RGS3: variants seen among roughly 807,000 people sequenced by gnomAD.
RGS3 encodes the protein regulator of G-protein signalling 3.
A neutral mutation model predicts 132.6 loss-of-function variants in RGS3; 80 were observed. The ratio of observed to expected loss-of-function variants is 0.60; its 90% CI spans 0.50 to 0.73. The LOEUF (loss-of-function observed/expected upper bound fraction) is 0.73, where lower values mean the gene tolerates loss of function less well. Ranked by LOEUF, RGS3 falls within the 30% of genes least tolerant of loss-of-function variation. The probability of loss-of-function intolerance (pLI) is 0.00; values close to 1 mark genes in which losing one functional copy is unlikely to be tolerated. For synonymous variants in RGS3, 598 were observed against 620.6 expected (o/e 0.96, Z 0.54); for missense variants, 1,382 against 1,530.8 (o/e 0.90, Z 1.62).
rs1829535337 is a variant in RGS3 at position 113,463,770 on chromosome 9, C to T, written c.415+1569C>T. 1.3e-6 allele frequency: 2 copies of T among 1,584,368 alleles called. No homozygotes were observed. Among genetic ancestry groups the T allele is most frequent in the African/African-American group, 1.4e-5 (1 of 73,726 alleles). ...GGAGCAACACAGCCGCCTCGGGTTG[C>T]AGACGCTCCTGTCCGGGTCGCAGTG... is the stretch of plus-strand genomic sequence containing the variant. On this transcript the variant is annotated intron_variant, in intron 3 of 24. Transcript: ENST00000350696. The surrounding 1 kb of genome is among the most constrained non-coding windows in gnomAD (Gnocchi z 4.6).
At position 113,465,359 on chromosome 9, in the gene RGS3, C is replaced by G. The variant is rs367904054; in HGVS notation, c.415+3158C>G. Among the ~76,000 whole-genome samples, 10 of 152,082 alleles carry G rather than the reference C, an allele frequency of 6.6e-5. No individual in the cohort carries two copies. The East Asian group carries it at 1.2e-3, about 18-fold the overall frequency. Reference sequence around the variant, plus strand: ...TTAGTGAAAAGAAGAAAGTGAAAATCACTTGTAATCTGACTTCCCAGGGAG... The same window carrying G: ...TTAGTGAAAAGAAGAAAGTGAAAATGACTTGTAATCTGACTTCCCAGGGAG... On this transcript the variant is annotated intron_variant, in intron 3 of 24. Coordinates refer to ENST00000350696, the Ensembl canonical transcript of RGS3.
chr9:113,550,679 G>T (rs1833303956), intron 19 of RGS3, among the ~76,000 whole-genome samples: 1 of 152,060 alleles, frequency 6.6e-6, no homozygotes, highest in African/African-American at 2.4e-5. Flanking sequence ...TTACCAACAT[G>T]GTATATTGTT....
chr9:113,550,319 T>C (rs1176618777), intron 19 of RGS3, among the ~76,000 whole-genome samples: 2 of 152,360 alleles, frequency 1.3e-5, no homozygotes, highest in South Asian at 2.1e-4. Flanking sequence ...GCTGAGATTG[T>C]GTCAACTGCA....
Position 113,591,563 on chromosome 9 carries a change from C to T in RGS3, c.3080+166C>T. The T allele has an allele frequency of 3.1e-6, 2 of 642,446 alleles. No homozygotes were observed. Among genetic ancestry groups the T allele is most frequent in the South Asian group, 3.5e-5 (2 of 57,852 alleles). 39.8% of individuals were successfully genotyped at this position (642,446 alleles called of 1,614,324 possible). On this transcript the variant is annotated intron_variant, in intron 21 of 24. Coordinates refer to ENST00000350696, the Ensembl canonical transcript of RGS3. The surrounding 1 kb of genome is among the most constrained non-coding windows in gnomAD (Gnocchi z 4.4). ...GGATCTTGGAACTTTGCAGTGACCC[C>T]AAAGTGGGGTCACCTGGGTCCTGAG...
chr9:113,525,040 G>A (rs1438372798), intron 17 of RGS3, among the ~76,000 whole-genome samples: 1 of 152,162 alleles, frequency 6.6e-6, no homozygotes, highest in Non-Finnish European at 1.5e-5. Flanking sequence ...TGGAGGGCGA[G>A]CTGCACAAGG....
chr9:113,510,248 C>T (rs1485370030), intron 14 of RGS3, among the ~76,000 whole-genome samples: 2 of 152,216 alleles, frequency 1.3e-5, no homozygotes, highest in Non-Finnish European at 2.9e-5. Context: ...TCATCCAGGT[C>T]GCTGCAAATG....
At chr9:113,576,456 C>G (rs536353775) in intron 19 of RGS3, among the ~76,000 whole-genome samples, 1 of 151,410 alleles carries the variant, frequency 6.6e-6, no homozygotes, top group Non-Finnish European at 1.5e-5. Flanking sequence ...CTCAGCCTCC[C>G]GAGTAGCTAG....
At chr9:113,504,424 A>G (rs3761820) in intron 10 of RGS3, among the ~76,000 whole-genome samples, 11,380 of 152,158 alleles carry the variant, frequency 0.075, 472 homozygotes, top group Non-Finnish European at 0.09. Flanking sequence ...AGACCACCCT[A>G]CATCCTCCTG....
exon 23 of RGS3, chr9:113,594,973 T>G (rs1342224673): frequency 1.2e-6 from 2 of 1,614,092 alleles, no homozygotes; most frequent in Admixed American, 3.3e-5. Flanking sequence ...AGCTGCTGGT[T>G]CACAAATGTA....
intron 19 of RGS3, among the ~76,000 whole-genome samples, chr9:113,562,185 T>C (rs1404911776): frequency 6.6e-6 from 1 of 152,052 alleles, no homozygotes; most frequent in African/African-American, 2.4e-5. Context: ...ATATTAGAAA[T>C]CATATCTGAG....
At chr9:113,535,470 CAATA>C (rs2118592411) in intron 18 of RGS3, among the ~76,000 whole-genome samples, 1 of 152,338 alleles carries the variant, frequency 6.6e-6, no homozygotes, top group Admixed American at 6.5e-5. Context: ...TGCGCCCAGT[CAATA>C]AATAGTTATT....
At chr9:113,517,652 G>T in intron 16 of RGS3, 28 bp downstream of exon 14, 1 of 1,578,460 alleles carries the variant, frequency 6.3e-7, no homozygotes, top group Non-Finnish European at 8.7e-7. Context: ...ATTTTTTAGG[G>T]GGCTTTCTGG....
Position 113,553,441 on chromosome 9 carries a change from T to TAAAAAAAAAAAAAA in RGS3, c.2037+16529_2037+16542dup, listed in dbSNP as rs66536651. 5.9e-4 allele frequency among the ~76,000 whole-genome samples: 12 copies of TAAAAAAAAAAAAAA among 20,424 alleles called. 1 individual carries two copies. Among genetic ancestry groups the TAAAAAAAAAAAAAA allele is most frequent in the Non-Finnish European group, 9.9e-4 (12 of 12,094 alleles). 13.4% of individuals were successfully genotyped at this position (20,424 alleles called of 152,430 possible). On this transcript the variant is annotated intron_variant, in intron 19 of 24. Transcript: ENST00000350696. ...CTGGGCAACAGAGGGAAACTCTGTT[T>TAAAAAAAAAAAAAA]AAAAAAAAAAAAAAAAAAATATATA...
At chr9:113,593,999 A>G in intron 21 of RGS3, 1 of 1,612,924 alleles carries the variant, frequency 6.2e-7, no homozygotes, top group Non-Finnish European at 8.5e-7. Flanking sequence ...CCTTGCAGAC[A>G]CATGCCCCTT....
At position 113,565,595 on chromosome 9, in the gene RGS3, G is replaced by A. The variant is rs1588259342; in HGVS notation, c.2038-17855G>A. On this transcript the variant is annotated intron_variant, in intron 19 of 24. Coordinates refer to ENST00000350696, the Ensembl canonical transcript of RGS3. This position sits in a 1 kb window ranked among gnomAD's most constrained non-coding sequence, Gnocchi z 5.7. ...AAAGGAGCTCTGTCTGGGGAAGGCA[G>A]CCGCTTGACACGGCCGCCAGGAGCT... 2 of 253,056 alleles carry A rather than the reference G, an allele frequency of 7.9e-6. No individual in the cohort carries two copies. The highest frequency in any genetic ancestry group is 3.9e-5 in the South Asian group (1 of 25,730). 15.7% of individuals were successfully genotyped at this position (253,056 alleles called of 1,614,324 possible).
exon 20 of RGS3, chr9:113,583,863 G>T (rs1206672127): frequency 1.9e-6 from 3 of 1,613,800 alleles, no homozygotes; most frequent in East Asian, 2.2e-5. Context: ...GTCAAGATCT[G>T]CCTCCTAGCC....
chr9:113,541,661 A>G lies in RGS3; in HGVS notation c.2037+4743A>G, dbSNP rs1048612034. On this transcript the variant is annotated intron_variant, in intron 19 of 24. Coordinates refer to ENST00000350696, the Ensembl canonical transcript of RGS3. ...TGGCAGCAGAAAGTCCCAAGAGGAG[A>G]GGACTCAGAGGCTTCTTCCTTCCAA... 5 of 1,147,978 alleles carry G rather than the reference A, an allele frequency of 4.4e-6. No individual in the cohort carries two copies. In the African/African-American group the frequency reaches 4.8e-5, roughly 11 times the overall value. 71.1% of individuals were successfully genotyped at this position (1,147,978 alleles called of 1,614,324 possible). A position where few individuals can be genotyped will look rare whatever the true frequency, so the allele number is the denominator to read the frequency against.
exon 20 of RGS3, chr9:113,583,713 C>T: frequency 6.2e-7 from 1 of 1,613,966 alleles, no homozygotes. Context: ...TGCCACCATG[C>T]CAGGAACCCC....
chr9:113,514,612 C>T (rs1831561265), exon 15 of RGS3: 1 of 1,614,036 alleles, frequency 6.2e-7, no homozygotes, highest in East Asian at 2.2e-5. Flanking sequence ...GCACCTACGT[C>T]ACCCTGGCCC....
Sources: allele counts gnomAD v4.1 joint callset (sites outside exome capture counted in the v4.1 genomes callset), GRCh38; gene constraint gnomAD v4.1.1; non-coding constraint Gnocchi (gnomAD v3.1); transcripts MANE v1.5; gene names NCBI Gene and HGNC (gene_info 2026-07-23, HGNC 2026-07-21).